DNAH10: variants seen among roughly 807,000 people sequenced by gnomAD.
DNAH10 encodes axonemal beta dynein heavy chain 10.
A neutral mutation model predicts 506.6 loss-of-function variants in DNAH10; 348 were observed. The ratio of observed to expected loss-of-function variants is 0.69; its 90% CI spans 0.63 to 0.75. The LOEUF is 0.75. Among genes scored for constraint, DNAH10 ranks in the 30% least tolerant of loss-of-function variants. The probability of loss-of-function intolerance (pLI) is 0.00; values close to 1 mark genes in which losing one functional copy is unlikely to be tolerated. For synonymous variants in DNAH10, 2,059 were observed against 2,198.6 expected (o/e 0.94, Z 1.78); for missense variants, 5,179 against 5,787.1 (o/e 0.89, Z 3.41).
intron 26 of DNAH10, among the ~76,000 whole-genome samples, chr12:123,832,488 C>T (rs1182384918): frequency 6.6e-6 from 1 of 151,868 alleles, no homozygotes; most frequent in Non-Finnish European, 1.5e-5. Flanking sequence ...CGTATGTATA[C>T]ACATATACAT....
Position 123,866,260 on chromosome 12 carries a change from T to TTTTTTTTTTG in DNAH10, c.7167+187_7167+188insTTTTTTTTTG, listed in dbSNP as rs1160562001. On this transcript the variant is annotated intron_variant, in intron 41 of 78. Coordinates refer to ENST00000673944, the MANE Select transcript of DNAH10 (RefSeq NM_001372106.1). ...TTTTTTTTTTTTTTTTTTTTTTTTT[T>TTTTTTTTTTG]GGAGACGGAGTCTCGCTCTGTCACC... Among the ~76,000 whole-genome samples, 3 of 139,882 alleles carry TTTTTTTTTTG rather than the reference T, an allele frequency of 2.1e-5. 1 individual carries two copies. Among genetic ancestry groups the TTTTTTTTTTG allele is most frequent in the African/African-American group, 8.4e-5 (3 of 35,732 alleles). 91.8% of individuals were successfully genotyped at this position (139,882 alleles called of 152,430 possible).
intron 77 of DNAH10, chr12:123,934,306 C>A: frequency 2.9e-6 from 2 of 688,442 alleles, no homozygotes; most frequent in Non-Finnish European, 5.3e-6. Flanking sequence ...TCTTTCTAGC[C>A]TGGGGGCCCA....
Position 123,853,821 on chromosome 12 carries a change from C to T in DNAH10, c.6438+469C>T, listed in dbSNP as rs534409995. On this transcript the variant is annotated intron_variant, in intron 36 of 78. Coordinates refer to ENST00000673944, the MANE Select transcript of DNAH10 (RefSeq NM_001372106.1). This position sits in a 1 kb window ranked among gnomAD's most constrained non-coding sequence, Gnocchi z 4.7. ...CTGTACTCAATGTTGCACGCACACA[C>T]GCACGCACACACACGCACACGCACG... Among the ~76,000 whole-genome samples the T allele has an allele frequency of 9.9e-5, 15 of 151,418 alleles. No homozygotes were observed. Among genetic ancestry groups the T allele is most frequent in the East Asian group, 3.9e-4 (2 of 5,154 alleles).
chr12:123,849,416 A>C (rs971371043), intron 34 of DNAH10, among the ~76,000 whole-genome samples: 6 of 152,244 alleles, frequency 3.9e-5, no homozygotes, highest in African/African-American at 1.4e-4. Context: ...GAGTTTGAGA[A>C]GTCTGCATTA....
Position 123,873,559 on chromosome 12 carries a change from TTG to T in DNAH10, c.7791_7792del (p.Leu2598AsnfsTer43). 1 of 1,606,898 alleles carries T rather than the reference TTG, an allele frequency of 6.2e-7. No individual in the cohort carries two copies. The highest frequency in any genetic ancestry group is 8.5e-7 in the Non-Finnish European group (1 of 1,176,952). On this transcript the variant is annotated frameshift_variant and splice_region_variant, in exon 46 of 79. Coordinates refer to ENST00000673944, the MANE Select transcript of DNAH10 (RefSeq NM_001372106.1). LOFTEE classifies it high-confidence loss of function. ...TCACATCATCTCTTTCTGCTTCAGA[TTG>T]TGTTAATGGTCAACTTCTCCTCCCG... is the stretch of plus-strand genomic sequence containing the variant.
rs901550501 is a variant in DNAH10, at chr12:123,867,462, T to A, written c.7168-5T>A. 1.9e-6 allele frequency: 3 copies of A among 1,608,698 alleles called. No homozygotes were observed. Among genetic ancestry groups the A allele is most frequent in the Non-Finnish European group, 2.5e-6 (3 of 1,178,094 alleles). The stretch of plus-strand genomic sequence containing the variant: ...GAAATGCTTTGGAATGCTACTTTTT[T>A]ATAGGTGGAGCAATACAATTTGAAT... On this transcript the variant is annotated splice_polypyrimidine_tract_variant and splice_region_variant and intron_variant, in intron 41 of 78. Transcript: ENST00000673944.
chr12:123,777,032 G>C (rs1957466550), intron 5 of DNAH10, among the ~76,000 whole-genome samples: 2 of 152,296 alleles, frequency 1.3e-5, no homozygotes, highest in African/African-American at 2.4e-5. Flanking sequence ...ATTTTAGATA[G>C]GGTGGCCAGG....
intron 5 of DNAH10, among the ~76,000 whole-genome samples, chr12:123,778,244 A>G (rs926199625): frequency 1.3e-4 from 20 of 151,678 alleles, no homozygotes; most frequent in Non-Finnish European, 1.9e-4. Flanking sequence ...ACATCAAAAC[A>G]TGATGTATAA....
At chr12:123,848,157 G>C in intron 33 of DNAH10, 62 bp downstream of exon 33, 1 of 1,554,164 alleles carries the variant, frequency 6.4e-7, no homozygotes, top group Non-Finnish European at 8.7e-7. Context: ...AGCAGGACAT[G>C]GCATTTCACC....
intron 71 of DNAH10, 47 bp downstream of exon 71, chr12:123,929,531 A>G: frequency 6.3e-7 from 1 of 1,591,420 alleles, no homozygotes; most frequent in Non-Finnish European, 8.6e-7. Context: ...TAGGCGGCCC[A>G]CTTCCTCCCG....
In DNAH10 at chr12:123,808,961, C is replaced by A. The variant is rs200194704; in HGVS notation, c.3144+8C>A. The A allele has an allele frequency of 5.6e-6, 9 of 1,613,812 alleles. No homozygotes were observed. The African/African-American group carries it at 1.1e-4, about 19-fold the overall frequency. On this transcript the variant is annotated splice_region_variant and intron_variant, in intron 19 of 78. Transcript: ENST00000673944. ...TGCGTGGAGATCACCAAGGTGAGAGCGGAGGTGCTTGTGTCCTTGCTCAGA... is the reference window on the plus strand; with the variant it reads ...TGCGTGGAGATCACCAAGGTGAGAGAGGAGGTGCTTGTGTCCTTGCTCAGA...
chr12:123,877,519 T>C (rs1396096245), intron 47 of DNAH10, among the ~76,000 whole-genome samples: 1 of 152,210 alleles, frequency 6.6e-6, no homozygotes, highest in Non-Finnish European at 1.5e-5. Context: ...TTTCACCGTG[T>C]TGGTCAGGCT....
chr12:123,826,962 C>G (rs1024440040), intron 25 of DNAH10, 64 bp downstream of exon 25: 1 of 1,439,706 alleles, frequency 6.9e-7, no homozygotes, highest in Non-Finnish European at 9.4e-7. Flanking sequence ...AAAATTGTTT[C>G]CCTCAGTACA....
chr12:123,892,648 C>T (rs2137177243), intron 52 of DNAH10, among the ~76,000 whole-genome samples: 1 of 152,358 alleles, frequency 6.6e-6, no homozygotes, highest in East Asian at 1.9e-4. Flanking sequence ...CTTCCCTGCA[C>T]AGGAGAACGT....
chr12:123,846,212 T>A lies in DNAH10; in HGVS notation c.5814+58T>A. The stretch of plus-strand genomic sequence containing the variant: ...TTACCTTGGGGCGGGGCATTTTCTC[T>A]AAGCTTGAGGTGTGATGACTGCAGT... On this transcript the variant is annotated intron_variant, in intron 32 of 78. Coordinates refer to ENST00000673944, the MANE Select transcript of DNAH10 (RefSeq NM_001372106.1). This position sits in a 1 kb window ranked among gnomAD's most constrained non-coding sequence, Gnocchi z 4.5. 6.4e-7 allele frequency: 1 copy of A among 1,555,728 alleles called. No homozygotes were observed. The highest frequency in any genetic ancestry group is 8.7e-7 in the Non-Finnish European group (1 of 1,150,126).
chr12:123,915,272 G>A (rs994909307), intron 62 of DNAH10, among the ~76,000 whole-genome samples: 11 of 152,288 alleles, frequency 7.2e-5, no homozygotes, highest in East Asian at 1.9e-4. Context: ...TACGGGGTTC[G>A]TGGTCTGGGT....
intron 40 of DNAH10, among the ~76,000 whole-genome samples, chr12:123,865,240 C>T (rs1338137747): frequency 6.7e-6 from 1 of 149,668 alleles, no homozygotes; most frequent in Non-Finnish European, 1.5e-5. Flanking sequence ...TTCCCTCACA[C>T]TATTTGCCTT....
intron 5 of DNAH10, 118 bp from the exon 6 acceptor site, chr12:123,780,962 A>AT: frequency 6.4e-6 from 5 of 779,234 alleles, no homozygotes; most frequent in Non-Finnish European, 9.7e-6. Context: ...AAAAAAAAAA[A>AT]GAATATTCAA....
chr12:123,930,045 C>T (rs1307145594), intron 72 of DNAH10: 11 of 551,404 alleles, frequency 2.0e-5, no homozygotes, highest in Non-Finnish European at 2.9e-5. Context: ...AGGAAGCATC[C>T]CCGGTGGTCT....
Sources: allele counts gnomAD v4.1 joint callset (sites outside exome capture counted in the v4.1 genomes callset), GRCh38; gene constraint gnomAD v4.1.1; non-coding constraint Gnocchi (gnomAD v3.1); transcripts MANE v1.5; gene names NCBI Gene and HGNC (gene_info 2026-07-23, HGNC 2026-07-21).